DPP10: variants seen among roughly 807,000 people sequenced by gnomAD.
DPP10 encodes the protein inactive dipeptidyl peptidase 10.
DPP10 carries 33 observed loss-of-function variants against 120.9 expected under a neutral mutation model. That is an observed-to-expected ratio of 0.27 (90% CI 0.21 to 0.37). The LOEUF is 0.37. Ranked by LOEUF, DPP10 falls within the 10% of genes least tolerant of loss-of-function variation. The pLI is 1.00. For synonymous variants in DPP10, 337 were observed against 326.1 expected (o/e 1.03, Z -0.36); for missense variants, 816 against 942.8 (o/e 0.87, Z 1.76).
In DPP10 at chr2:114,806,912, A is replaced by G. The variant is rs537735350; in HGVS notation, c.60+364074A>G. Among the ~76,000 whole-genome samples, 7 of 151,984 alleles carry G rather than the reference A, an allele frequency of 4.6e-5. No individual in the cohort carries two copies. The South Asian group carries it at 8.3e-4, about 18-fold the overall frequency. On this transcript the variant is annotated intron_variant, in intron 1 of 25. Transcript: ENST00000410059. ...CTTCTTCCAAAATATTTTAAAACCA[A>G]TCTCCTCTCACCGTCTGCACAGCTA...
intron 4 of DPP10, among the ~76,000 whole-genome samples, chr2:115,512,132 A>T (rs566002050): frequency 6.3e-4 from 94 of 148,282 alleles, no homozygotes; most frequent in African/African-American, 2.0e-3. Context: ...ACAAAGTCTC[A>T]CTCTGTTGCC....
intron 1 of DPP10, among the ~76,000 whole-genome samples, chr2:114,771,118 T>C (rs985674780): frequency 6.6e-6 from 1 of 152,230 alleles, no homozygotes; most frequent in Non-Finnish European, 1.5e-5. Flanking sequence ...AAAAATCCTG[T>C]AAGCATCAGT....
intron 1 of DPP10, among the ~76,000 whole-genome samples, chr2:114,499,985 T>C (rs780682513): frequency 4.6e-5 from 7 of 152,250 alleles, no homozygotes; most frequent in Non-Finnish European, 1.0e-4. Flanking sequence ...ATTCATCTGT[T>C]GTCACCTCCT....
chr2:115,646,545 G>C lies in DPP10; in HGVS notation c.442-43142G>C, dbSNP rs77018269. On this transcript the variant is annotated intron_variant, in intron 5 of 25. Transcript: ENST00000410059. Reference sequence around the variant, plus strand: ...TGACATGTAATACCACTGAAACACAGGGTGTTTAGCAAACATTTAGTTATT... The same window carrying C: ...TGACATGTAATACCACTGAAACACACGGTGTTTAGCAAACATTTAGTTATT... Among the ~76,000 whole-genome samples the C allele has an allele frequency of 2.6e-4, 40 of 152,244 alleles. No homozygotes were observed. The East Asian group carries it at 7.0e-3, about 26-fold the overall frequency.
chr2:114,611,486 T>A (rs1693281774), intron 1 of DPP10, among the ~76,000 whole-genome samples: 1 of 152,198 alleles, frequency 6.6e-6, no homozygotes, highest in Non-Finnish European at 1.5e-5. Flanking sequence ...TATGTTTTCA[T>A]CCAGTCTTTT....
chr2:115,064,227 C>T (rs1249434590), intron 1 of DPP10, among the ~76,000 whole-genome samples: 1 of 151,810 alleles, frequency 6.6e-6, no homozygotes. Flanking sequence ...TACAAACATA[C>T]TTAGTATTTC....
At chr2:114,570,926 T>C (rs1036762375) in intron 1 of DPP10, among the ~76,000 whole-genome samples, 5 of 150,668 alleles carry the variant, frequency 3.3e-5, no homozygotes, top group South Asian at 2.1e-4. Flanking sequence ...ATGGACTATA[T>C]AAACTCTGTG....
Position 115,102,801 on chromosome 2 carries a change from A to G in DPP10, c.61-206438A>G, listed in dbSNP as rs182959502. On this transcript the variant is annotated intron_variant, in intron 1 of 25. Transcript: ENST00000410059. ...ACTCCTTTTTGCAGCCGCAGCCACC[A>G]TTTCTCCACATCCTGTCCTCTCCAT... Among the ~76,000 whole-genome samples, 5 of 151,384 alleles carry G rather than the reference A, an allele frequency of 3.3e-5. No individual in the cohort carries two copies. In the East Asian group the frequency reaches 7.8e-4, roughly 24 times the overall value.
At chr2:114,515,672 T>C (rs1684536070) in intron 1 of DPP10, among the ~76,000 whole-genome samples, 1 of 152,214 alleles carries the variant, frequency 6.6e-6, no homozygotes. Flanking sequence ...AATTTCATTA[T>C]AAGTGAAATT....
At chr2:114,709,136 GT>G in intron 1 of DPP10, among the ~76,000 whole-genome samples, 1 of 152,156 alleles carries the variant, frequency 6.6e-6, no homozygotes, top group Non-Finnish European at 1.5e-5. Flanking sequence ...AGGCTCCTAT[GT>G]CAGCTGCTTG....
At chr2:114,636,576 T>A (rs1267923286) in intron 1 of DPP10, among the ~76,000 whole-genome samples, 2 of 151,900 alleles carry the variant, frequency 1.3e-5, no homozygotes, top group African/African-American at 4.9e-5. Context: ...GTCTTGGAGA[T>A]CCCCAGGGCT....
At chr2:114,647,743 C>T (rs563583613) in intron 1 of DPP10, among the ~76,000 whole-genome samples, 4 of 150,480 alleles carry the variant, frequency 2.7e-5, no homozygotes, top group African/African-American at 4.9e-5. Flanking sequence ...GAATTCCCAT[C>T]GCATCCTAGA....
chr2:114,790,167 A>G (rs1050047892), intron 1 of DPP10, among the ~76,000 whole-genome samples: 2 of 152,234 alleles, frequency 1.3e-5, no homozygotes, highest in African/African-American at 4.8e-5. Context: ...TAAAAAGCTC[A>G]GCAACAGAAT....
At chr2:114,558,892 G>T (rs566356564) in intron 1 of DPP10, among the ~76,000 whole-genome samples, 1 of 152,282 alleles carries the variant, frequency 6.6e-6, no homozygotes, top group East Asian at 1.9e-4. Context: ...ATCCATGAGT[G>T]ATTCCAATTA....
At chr2:115,372,428 A>G (rs1198669122) in intron 3 of DPP10, among the ~76,000 whole-genome samples, 2 of 152,132 alleles carry the variant, frequency 1.3e-5, no homozygotes, top group East Asian at 3.9e-4. Flanking sequence ...TGCAGGTTTC[A>G]TAGAATCTAT....
At chr2:115,465,010 AAC>A (rs1574926142) in intron 3 of DPP10, among the ~76,000 whole-genome samples, 1 of 152,204 alleles carries the variant, frequency 6.6e-6, no homozygotes, top group Non-Finnish European at 1.5e-5. Context: ...ACAAGTCACT[AAC>A]ACAGTCTGCC....
chr2:115,187,673 A>G (rs2054560173), intron 1 of DPP10, among the ~76,000 whole-genome samples: 1 of 152,134 alleles, frequency 6.6e-6, no homozygotes, highest in Admixed American at 6.6e-5. Flanking sequence ...GCTGGGAAGC[A>G]GGGATGAAAT....
At chr2:115,120,495 CA>C (rs2049767417) in intron 1 of DPP10, among the ~76,000 whole-genome samples, 1 of 152,090 alleles carries the variant, frequency 6.6e-6, no homozygotes, top group Non-Finnish European at 1.5e-5. Flanking sequence ...GTAGAGATGT[CA>C]AAACACAATA....
chr2:115,241,971 C>A (rs2058303888), intron 1 of DPP10, among the ~76,000 whole-genome samples: 1 of 152,090 alleles, frequency 6.6e-6, no homozygotes, highest in Admixed American at 6.6e-5. Context: ...GGACATGAAT[C>A]ATTTTTAAAT....
Sources: allele counts gnomAD v4.1 joint callset (sites outside exome capture counted in the v4.1 genomes callset), GRCh38; gene constraint gnomAD v4.1.1; transcripts MANE v1.5; gene names NCBI Gene and HGNC (gene_info 2026-07-23, HGNC 2026-07-21).